The following ANKRD44 variants were observed in gnomAD, a reference collection of about 807,000 sequenced individuals.
The protein encoded by ANKRD44 is ankyrin repeat domain 44, also known as serine/threonine-protein phosphatase 6 regulatory ankyrin repeat subunit B.
In ANKRD44, 35 loss-of-function variants were observed where a neutral mutation model predicts 116.0. That is an observed-to-expected ratio of 0.30 (90% CI 0.23 to 0.40). The LOEUF (loss-of-function observed/expected upper bound fraction) is 0.40. ANKRD44 is among the 10% of genes least tolerant of loss of function. The probability of loss-of-function intolerance (pLI) is 1.00; values close to 1 mark genes in which losing one functional copy is unlikely to be tolerated. For missense variants in ANKRD44, 1,014 were observed against 1,242.6 expected (o/e 0.82, Z 2.77); for synonymous variants, 435 against 461.8 (o/e 0.94, Z 0.74).
At chr2:197,058,917 T>C (rs1056680429) in intron 16 of ANKRD44, among the ~76,000 whole-genome samples, 19 of 152,246 alleles carry the variant, frequency 1.2e-4, no homozygotes, top group African/African-American at 4.1e-4. Context: ...GCTAAGCATA[T>C]ACAGTTCTTG....
intron 1 of ANKRD44, among the ~76,000 whole-genome samples, chr2:197,200,941 A>T (rs2081080269): frequency 6.6e-6 from 1 of 152,254 alleles, no homozygotes; most frequent in South Asian, 2.1e-4. Context: ...TTTAAATTTT[A>T]TCAATTGTTA....
chr2:197,029,519 C>G lies in ANKRD44; in HGVS notation c.1651-4252G>C, dbSNP rs1489883780. ...TAGTGCCATATAATTCATCTAACTT[C>G]CAGAAAGCACTTTCAGTCCAATGCA... is the stretch of plus-strand genomic sequence containing the variant. On this transcript the variant is annotated intron_variant, in intron 16 of 27. Transcript: ENST00000282272. 6.3e-6 allele frequency: 3 copies of G among 479,110 alleles called. No homozygotes were observed. The Admixed American group carries it at 6.7e-5, about 11-fold the overall frequency. The allele number at this position is 479,110 out of a possible 1,614,324, so 29.7% of individuals were successfully genotyped here. A position where few individuals can be genotyped will look rare whatever the true frequency, so the allele number is the denominator to read the frequency against.
chr2:197,006,032 A>C (rs1021673087), intron 20 of ANKRD44, 122 bp from the exon 21 acceptor site: 27 of 846,858 alleles, frequency 3.2e-5, no homozygotes, highest in Non-Finnish European at 5.1e-5. Flanking sequence ...AGGAAGGCAG[A>C]CTCTGTCCTA....
intron 1 of ANKRD44, among the ~76,000 whole-genome samples, chr2:197,278,860 A>G (rs2083181553): frequency 1.3e-5 from 2 of 152,242 alleles, no homozygotes; most frequent in African/African-American, 4.8e-5. Context: ...TTTGGAGCAG[A>G]AACAGGCGGT....
chr2:197,100,219 G>C (rs1295571192), intron 9 of ANKRD44, among the ~76,000 whole-genome samples: 1 of 152,060 alleles, frequency 6.6e-6, no homozygotes, highest in Non-Finnish European at 1.5e-5. Context: ...GGCAGATCAC[G>C]AGGTCAGGAG....
rs1011158496 is a variant in ANKRD44, at chr2:197,008,888, C to T, written c.2012+56G>A. 42 of 1,501,894 alleles carry T rather than the reference C, an allele frequency of 2.8e-5. No homozygotes were observed. The African/African-American group carries it at 5.5e-4, about 20-fold the overall frequency. The allele number at this position is 1,501,894 out of a possible 1,614,324, so 93.0% of individuals were successfully genotyped here. On this transcript the variant is annotated intron_variant, in intron 19 of 27. Coordinates refer to ENST00000282272, the MANE Select transcript of ANKRD44 (RefSeq NM_001195144.2). ...GCCTTGTAATGATTTAAGAAACCAACCAGGTAGCTGCTGTGATTGAAATGT... is the reference window on the plus strand; with the variant it reads ...GCCTTGTAATGATTTAAGAAACCAATCAGGTAGCTGCTGTGATTGAAATGT...
At chr2:197,170,998 A>C (rs1162187280) in intron 2 of ANKRD44, among the ~76,000 whole-genome samples, 1 of 152,174 alleles carries the variant, frequency 6.6e-6, no homozygotes, top group Non-Finnish European at 1.5e-5. Flanking sequence ...GGCAGCTTAG[A>C]AATAGGAAGT....
At chr2:197,204,162 G>A (rs953661607) in intron 1 of ANKRD44, among the ~76,000 whole-genome samples, 1 of 152,202 alleles carries the variant, frequency 6.6e-6, no homozygotes, top group African/African-American at 2.4e-5. Context: ...TTGGCCTTTT[G>A]AGGGAGTTTA....
At chr2:197,127,237 T>C (rs2078996841) in intron 4 of ANKRD44, among the ~76,000 whole-genome samples, 1 of 152,214 alleles carries the variant, frequency 6.6e-6, no homozygotes, top group African/African-American at 2.4e-5. Flanking sequence ...CAGTCAAGCA[T>C]CCTGACATAA....
chr2:197,163,211 G>T lies in ANKRD44; in HGVS notation c.112-16106C>A, dbSNP rs978908558. ...GACTTGAACCTGACTTACCCAGTGG[G>T]TGAGAAAAACAGGCTTGCTAAGGTG... On this transcript the variant is annotated intron_variant, in intron 2 of 27. Transcript: ENST00000282272. Among the ~76,000 whole-genome samples the T allele has an allele frequency of 3.9e-5, 6 of 152,178 alleles. No homozygotes were observed. In the East Asian group the frequency reaches 5.8e-4, roughly 15 times the overall value.
intron 9 of ANKRD44, among the ~76,000 whole-genome samples, chr2:197,107,746 G>A (rs979150909): frequency 6.6e-6 from 1 of 152,190 alleles, no homozygotes; most frequent in Non-Finnish European, 1.5e-5. Context: ...GAGGACAGAG[G>A]GGCTCCTGCT....
At chr2:197,053,048 G>A (rs1255955085) in intron 16 of ANKRD44, among the ~76,000 whole-genome samples, 1 of 152,110 alleles carries the variant, frequency 6.6e-6, no homozygotes, top group African/African-American at 2.4e-5. Context: ...GTGCGTGCCT[G>A]TAGTTCCAGC....
chr2:197,126,839 G>A (rs535990472), intron 4 of ANKRD44, among the ~76,000 whole-genome samples: 2 of 52,296 alleles, frequency 3.8e-5, no homozygotes, highest in Admixed American at 2.5e-4. Context: ...TGCACCAACC[G>A]GGAGTGGTGT....
intron 16 of ANKRD44, among the ~76,000 whole-genome samples, chr2:197,051,420 G>T (rs994465641): frequency 3.9e-5 from 6 of 151,956 alleles, no homozygotes; most frequent in Non-Finnish European, 8.8e-5. Flanking sequence ...TAGAGAGAGG[G>T]TCTTGTTCTG....
At chr2:197,002,176 T>C (rs915514042) in intron 21 of ANKRD44, among the ~76,000 whole-genome samples, 2 of 152,196 alleles carry the variant, frequency 1.3e-5, no homozygotes, top group Non-Finnish European at 2.9e-5. Flanking sequence ...TTTGTCCACA[T>C]TTATAAGAGG....
chr2:197,228,665 C>T (rs1242287975), intron 1 of ANKRD44, among the ~76,000 whole-genome samples: 5 of 152,140 alleles, frequency 3.3e-5, no homozygotes, highest in East Asian at 3.8e-4. Flanking sequence ...TTAGGGTGGC[C>T]GGCAGGGATC....
chr2:197,309,439 A>C (rs920264294), intron 1 of ANKRD44, among the ~76,000 whole-genome samples: 1 of 152,226 alleles, frequency 6.6e-6, no homozygotes, highest in African/African-American at 2.4e-5. Flanking sequence ...TGAATCTAAA[A>C]GGCAGGAGAA....
At chr2:197,165,274 GCTCT>G (rs150473129) in intron 2 of ANKRD44, among the ~76,000 whole-genome samples, 3 of 152,316 alleles carry the variant, frequency 2.0e-5, no homozygotes, top group East Asian at 3.9e-4. Flanking sequence ...AGGTAAACAT[GCTCT>G]CTAACAGGTC....
chr2:197,059,176 G>C (rs1358438464), intron 16 of ANKRD44, among the ~76,000 whole-genome samples: 1 of 152,146 alleles, frequency 6.6e-6, no homozygotes. Flanking sequence ...TGTAGCAGCT[G>C]AGGGACATGG....
Sources: allele counts gnomAD v4.1 joint callset (sites outside exome capture counted in the v4.1 genomes callset), GRCh38; gene constraint gnomAD v4.1.1; transcripts MANE v1.5; gene names NCBI Gene and HGNC (gene_info 2026-07-23, HGNC 2026-07-21).